The following GRAMD2B variants were observed in gnomAD, a reference collection of about 807,000 sequenced individuals.
The protein encoded by GRAMD2B is GRAM domain-containing protein 2B.
Under a neutral mutation model 59.2 loss-of-function variants are expected in GRAMD2B, and 41 were observed. The ratio of observed to expected loss-of-function variants is 0.69; its 90% CI spans 0.54 to 0.90. The LOEUF is 0.90. Ranked by LOEUF, GRAMD2B falls within the 40% of genes least tolerant of loss-of-function variation. The pLI, the probability that GRAMD2B is intolerant of heterozygous loss-of-function variation, is 0.00. For synonymous variants in GRAMD2B, 161 were observed against 182.7 expected (o/e 0.88, Z 0.96); for missense variants, 424 against 500.5 (o/e 0.85, Z 1.46).
chr5:126,428,828 A>G (rs1761053588), intron 1 of GRAMD2B, among the ~76,000 whole-genome samples: 1 of 152,254 alleles, frequency 6.6e-6, no homozygotes. Flanking sequence ...AATCAAAACC[A>G]CAATGAAATT....
upstream of GRAMD2B, among the ~76,000 whole-genome samples, chr5:126,418,641 TA>T (rs1414933318): frequency 1.3e-5 from 2 of 152,240 alleles, no homozygotes; most frequent in Non-Finnish European, 2.9e-5. Flanking sequence ...GAAGATTCCA[TA>T]ATCTACTACA....
chr5:126,485,164 G>A (rs747685128), intron 10 of GRAMD2B, among the ~76,000 whole-genome samples: 15 of 151,856 alleles, frequency 9.9e-5, no homozygotes, highest in Non-Finnish European at 1.5e-4. Context: ...GACCAGCCTG[G>A]GCAACATAGT....
chr5:126,360,168 T>C (rs1754156597), exon 1 of GRAMD2B: 3 of 701,056 alleles, frequency 4.3e-6, no homozygotes. Context: ...GCTGGTGCCA[T>C]CCCTCTGAGC....
At chr5:126,412,663 G>C (rs562828606) in intron 1 of GRAMD2B, among the ~76,000 whole-genome samples, 40 of 152,120 alleles carry the variant, frequency 2.6e-4, no homozygotes, top group African/African-American at 8.2e-4. Flanking sequence ...TCAATTTTTT[G>C]GAATAGTTTC....
At chr5:126,360,551 A>G in intron 1 of GRAMD2B, 2 of 1,245,606 alleles carry the variant, frequency 1.6e-6, no homozygotes, top group South Asian at 3.1e-5. Flanking sequence ...TTAAGGACAG[A>G]GTGTCTCCAC....
At chr5:126,392,935 A>T (rs763974132) in intron 1 of GRAMD2B, among the ~76,000 whole-genome samples, 7 of 152,234 alleles carry the variant, frequency 4.6e-5, no homozygotes, top group Admixed American at 1.3e-4. Flanking sequence ...TTGAAAAATA[A>T]AGTGGAAGGT....
intron 1 of GRAMD2B, among the ~76,000 whole-genome samples, chr5:126,389,700 C>A (rs1224738259): frequency 2.6e-5 from 4 of 152,192 alleles, no homozygotes; most frequent in South Asian, 2.1e-4. Context: ...GTAATCCCAG[C>A]ACTTTGGGAG....
intron 1 of GRAMD2B, among the ~76,000 whole-genome samples, chr5:126,408,060 G>C (rs1434083192): frequency 6.6e-6 from 1 of 151,894 alleles, no homozygotes; most frequent in African/African-American, 2.4e-5. Context: ...CCCAGGTCCT[G>C]AGCATAGTCC....
Position 126,376,878 on chromosome 5 carries a change from G to A in GRAMD2B, c.125+5311G>A, listed in dbSNP as rs564827839. On this transcript the variant is annotated intron_variant, in intron 1 of 8. Transcript: ENST00000506445. ...AGAGCTTCACAGAGGAGAGTGAGGG[G>A]CAGGCTAAGACAGGAGGCAGAGAAA... 1.4e-3 allele frequency among the ~76,000 whole-genome samples: 216 copies of A among 152,132 alleles called. 1 individual carries two copies. The highest frequency in any genetic ancestry group is 4.8e-3 in the African/African-American group (199 of 41,480).
chr5:126,426,124 T>C (rs570462793), intron 1 of GRAMD2B, among the ~76,000 whole-genome samples: 186 of 152,082 alleles, frequency 1.2e-3, no homozygotes, highest in African/African-American at 4.2e-3. Context: ...ATGTAAACAA[T>C]TATGATTTGT....
upstream of GRAMD2B, among the ~76,000 whole-genome samples, chr5:126,367,165 G>A (rs566129093): frequency 2.0e-5 from 3 of 152,058 alleles, no homozygotes; most frequent in East Asian, 1.9e-4. Context: ...CCCAGACCAA[G>A]GCTTTTTTTA....
chr5:126,379,624 T>C (rs1755493835), intron 1 of GRAMD2B, among the ~76,000 whole-genome samples: 6 of 152,190 alleles, frequency 3.9e-5, no homozygotes, highest in Admixed American at 3.9e-4. Flanking sequence ...TGGTATCGCA[T>C]TGTGGTTTTG....
At chr5:126,476,287 C>T (rs946731175) in intron 5 of GRAMD2B, among the ~76,000 whole-genome samples, 1 of 152,098 alleles carries the variant, frequency 6.6e-6, no homozygotes, top group Non-Finnish European at 1.5e-5. Flanking sequence ...AAAAAAAGCT[C>T]ATTTGCTTCC....
intron 1 of GRAMD2B, among the ~76,000 whole-genome samples, chr5:126,390,203 T>C (rs1032165226): frequency 2.0e-5 from 3 of 152,206 alleles, no homozygotes; most frequent in African/African-American, 7.2e-5. Flanking sequence ...CTTTCACTGA[T>C]ATCTAGGTTG....
chr5:126,466,449 G>T, intron 2 of GRAMD2B: 1 of 674,764 alleles, frequency 1.5e-6, no homozygotes, highest in South Asian at 1.7e-5. Flanking sequence ...TTTTCCAGTC[G>T]GAGTCTCGCT....
intron 1 of GRAMD2B, among the ~76,000 whole-genome samples, chr5:126,447,505 A>G (rs539151203): frequency 1.8e-4 from 28 of 152,214 alleles, no homozygotes; most frequent in African/African-American, 6.5e-4. Context: ...TACTAAAAAA[A>G]TACAAAAAAT....
intron 1 of GRAMD2B, among the ~76,000 whole-genome samples, chr5:126,438,772 G>A (rs1019027034): frequency 2.0e-5 from 3 of 152,148 alleles, no homozygotes; most frequent in Admixed American, 6.5e-5. Context: ...ATGGCAGAAC[G>A]ATTAGCATGA....
intron 1 of GRAMD2B, among the ~76,000 whole-genome samples, chr5:126,405,489 G>A (rs1158583512): frequency 6.6e-6 from 1 of 151,878 alleles, no homozygotes; most frequent in Non-Finnish European, 1.5e-5. Flanking sequence ...AATAATCTGT[G>A]CGAGGCACAG....
In GRAMD2B at chr5:126,423,461, G is replaced by A; in HGVS notation, c.-146G>A. 7.0e-7 allele frequency: 1 copy of A among 1,431,940 alleles called. No homozygotes were observed. Among genetic ancestry groups the A allele is most frequent in the Non-Finnish European group, 9.1e-7 (1 of 1,098,650 alleles). The allele number at this position is 1,431,940 out of a possible 1,614,324, so 88.7% of individuals were successfully genotyped here. ...TCCGCGGCCCCGGGAGCTTGGCGCGGCCCGGCCTGGATGCGCTGGGCGGAG... is the reference window on the plus strand; with the variant it reads ...TCCGCGGCCCCGGGAGCTTGGCGCGACCCGGCCTGGATGCGCTGGGCGGAG... On this transcript the variant is annotated 5_prime_UTR_variant, in exon 1 of 14. Transcript: ENST00000285689.
Sources: gnomAD v4.1 joint callset for allele counts (sites outside exome capture counted in the v4.1 genomes callset) on GRCh38, gnomAD v4.1.1 for gene constraint, MANE v1.5 for transcripts, NCBI Gene and HGNC (gene_info 2026-07-23, HGNC 2026-07-21) for gene names.